Variants in PLAUR observed in about 807,000 individuals in gnomAD.
The protein encoded by PLAUR is plasminogen activator, urokinase receptor.
A neutral mutation model predicts 33.4 loss-of-function variants in PLAUR; 22 were observed. The ratio of observed to expected loss-of-function variants is 0.66; its 90% CI spans 0.47 to 0.94. The LOEUF (loss-of-function observed/expected upper bound fraction) is 0.94, where lower values mean the gene tolerates loss of function less well. Among genes scored for constraint, PLAUR ranks in the 40% least tolerant of loss-of-function variants. The pLI, the probability that PLAUR is intolerant of heterozygous loss-of-function variation, is 0.00. For missense variants in PLAUR, 408 were observed against 434.7 expected (o/e 0.94, Z 0.55); for synonymous variants, 148 against 167.3 (o/e 0.88, Z 0.89).
intron 3 of PLAUR, chr19:43,660,381 G>A (rs143053438): frequency 0.023 from 3,465 of 151,274 alleles, 46 homozygotes; most frequent in Non-Finnish European, 0.037. Flanking sequence ...CACCATGTTG[G>A]CCAGTGTGGT....
chr19:43,652,459 C>T (rs947935293), intron 5 of PLAUR, 88 bp from the exon 6 acceptor site: 17 of 1,303,252 alleles, frequency 1.3e-5, no homozygotes, highest in African/African-American at 1.2e-4. Context: ...ACTTCCACTC[C>T]GAGCCAGAGA....
chr19:43,646,496 T>A (rs1568548098), downstream of PLAUR: 1 of 718,166 alleles, frequency 1.4e-6, no homozygotes, highest in Non-Finnish European at 2.6e-6. Flanking sequence ...AGCATGGTGG[T>A]CTCAGGGCAG....
chr19:43,652,309 TGCTGTTCCCCTTGCA>T lies in PLAUR; in HGVS notation c.655_669del (p.Cys219_Ser223del). On this transcript the variant is annotated inframe_deletion, in exon 6 of 7. Transcript: ENST00000340093. The stretch of plus-strand genomic sequence containing the variant: ...GTCTCTTCAGAGGAGCATCCATGGG[TGCTGTTCCCCTTGCA>T]GCTGTAACACTGGCGGCCATTCTGC... The T allele has an allele frequency of 6.2e-7, 1 of 1,614,066 alleles. No individual in the cohort carries two copies. Among genetic ancestry groups the T allele is most frequent in the Non-Finnish European group, 8.5e-7 (1 of 1,179,964 alleles).
chr19:43,657,804 A>G (rs1416697236), intron 3 of PLAUR, among the ~76,000 whole-genome samples: 1 of 152,196 alleles, frequency 6.6e-6, no homozygotes, highest in Non-Finnish European at 1.5e-5. Context: ...TTGTTAAATG[A>G]ATGAATGAAT....
intron 3 of PLAUR, among the ~76,000 whole-genome samples, chr19:43,664,859 T>C (rs1676826095): frequency 6.6e-6 from 1 of 152,198 alleles, no homozygotes; most frequent in South Asian, 2.1e-4. Flanking sequence ...ACATCTCATC[T>C]ATGTCTCATG....
At chr19:43,649,526 T>C (rs1198663963) in intron 6 of PLAUR, among the ~76,000 whole-genome samples, 2 of 130,510 alleles carry the variant, frequency 1.5e-5, no homozygotes, top group Non-Finnish European at 3.1e-5. Context: ...GGTAACAGAG[T>C]GAGACCCTGT....
chr19:43,647,106 G>C (rs1010272306), downstream of PLAUR, among the ~76,000 whole-genome samples: 33 of 152,106 alleles, frequency 2.2e-4, no homozygotes, highest in Non-Finnish European at 2.6e-4. Context: ...TTCTTCATTA[G>C]CCACAAGATT....
intron 6 of PLAUR, 66 bp from the exon 7 acceptor site, chr19:43,649,209 G>A (rs2146190266): frequency 1.9e-6 from 3 of 1,556,994 alleles, no homozygotes; most frequent in South Asian, 2.3e-5. Flanking sequence ...TCTCCAGTAG[G>A]TGACCTGCCA....
chr19:43,656,218 A>C (rs961155117), intron 4 of PLAUR, among the ~76,000 whole-genome samples: 3 of 151,274 alleles, frequency 2.0e-5, no homozygotes, highest in South Asian at 4.2e-4. Context: ...ATGCCATTGC[A>C]CTCCAGCCTG....
At chr19:43,664,711 C>T (rs563406991) in intron 3 of PLAUR, among the ~76,000 whole-genome samples, 53 of 152,358 alleles carry the variant, frequency 3.5e-4, no homozygotes, top group African/African-American at 1.2e-3. Context: ...TAATCTTCCC[C>T]TCTTTCGACT....
intron 4 of PLAUR, 59 bp downstream of exon 4, chr19:43,656,420 G>C: frequency 6.9e-7 from 1 of 1,449,684 alleles, no homozygotes; most frequent in Non-Finnish European, 9.3e-7. Flanking sequence ...TGTTTGTTAA[G>C]TGCAGTCTTA....
downstream of PLAUR, chr19:43,646,196 C>T: frequency 3.1e-6 from 1 of 322,786 alleles, no homozygotes; most frequent in Non-Finnish European, 5.8e-6. Context: ...TTCTCACCCT[C>T]CCAAAGTGCT....
chr19:43,668,283 T>C (rs1967351743), intron 1 of PLAUR: 1 of 986,580 alleles, frequency 1.0e-6, no homozygotes, highest in Admixed American at 6.1e-5. Flanking sequence ...ATACTCTAGT[T>C]TCCCGCGAAG....
At chr19:43,646,674 A>T (rs553609229), downstream of PLAUR, 2 of 628,988 alleles carry the variant, frequency 3.2e-6, no homozygotes, top group Non-Finnish European at 5.7e-6. Flanking sequence ...AAGAGGCAGA[A>T]GTACAGACCT....
At chr19:43,664,995 G>A in intron 3 of PLAUR, 3 of 347,402 alleles carry the variant, frequency 8.6e-6, no homozygotes, top group Non-Finnish European at 1.1e-5. Flanking sequence ...GATTTGGGTA[G>A]TCTGAGATAA....
At chr19:43,668,442 T>G (rs1967364718) in intron 1 of PLAUR, 1 of 255,028 alleles carries the variant, frequency 3.9e-6, no homozygotes, top group African/African-American at 2.9e-5. Flanking sequence ...CCCTAGCTCC[T>G]CCTCGAGGCT....
At chr19:43,669,668 C>A (rs1469455476) in intron 1 of PLAUR, among the ~76,000 whole-genome samples, 1 of 151,796 alleles carries the variant, frequency 6.6e-6, no homozygotes, top group Non-Finnish European at 1.5e-5. Context: ...AGAAATTAGC[C>A]GGGCGCGATG....
At chr19:43,668,655 T>C (rs1967381225) in intron 1 of PLAUR, among the ~76,000 whole-genome samples, 1 of 106,864 alleles carries the variant, frequency 9.4e-6, no homozygotes, top group African/African-American at 3.8e-5. Flanking sequence ...CTCCCCAAGC[T>C]TATAACCCCG....
intron 3 of PLAUR, among the ~76,000 whole-genome samples, chr19:43,660,046 C>T (rs1180659907): frequency 6.6e-6 from 1 of 152,110 alleles, no homozygotes; most frequent in African/African-American, 2.4e-5. Flanking sequence ...CTCTTGGTTT[C>T]TGGTCAATTG....
Sources: allele counts gnomAD v4.1 joint callset (sites outside exome capture counted in the v4.1 genomes callset), GRCh38; gene constraint gnomAD v4.1.1; transcripts MANE v1.5; gene names NCBI Gene and HGNC (gene_info 2026-07-23, HGNC 2026-07-21).